The following LHFPL3 variants were observed in gnomAD, a reference collection of about 807,000 sequenced individuals.
LHFPL3 encodes LHFPL tetraspan subfamily member 3, also known as LHFPL tetraspan subfamily member 3 protein.
In LHFPL3, 5 loss-of-function variants were observed where a neutral mutation model predicts 19.3. The ratio of observed to expected loss-of-function variants is 0.26; its 90% CI spans 0.14 to 0.54. The LOEUF (loss-of-function observed/expected upper bound fraction) is 0.54. LHFPL3 is among the 20% of genes least tolerant of loss of function. The probability of loss-of-function intolerance (pLI) is 0.94; values close to 1 mark genes in which losing one functional copy is unlikely to be tolerated. For missense variants in LHFPL3, 249 were observed against 307.4 expected, an observed-to-expected ratio of 0.81 and a Z score of 1.42; for synonymous variants, 133 against 126.2, an observed-to-expected ratio of 1.05 and a Z score of -0.36.
intron 1 of LHFPL3, among the ~76,000 whole-genome samples, chr7:104,705,878 G>A (rs1445702013): frequency 6.6e-6 from 1 of 152,110 alleles, no homozygotes; most frequent in Non-Finnish European, 1.5e-5. Flanking sequence ...CCTCACAGAA[G>A]CATAGGCAGC....
chr7:104,520,849 T>G (rs1380673353), intron 1 of LHFPL3, among the ~76,000 whole-genome samples: 1 of 149,400 alleles, frequency 6.7e-6, no homozygotes, highest in Admixed American at 6.7e-5. Flanking sequence ...TTTTTCTTTA[T>G]TAGTCTTGCT....
intron 2 of LHFPL3, among the ~76,000 whole-genome samples, chr7:104,860,180 A>ACC (rs1263233124): frequency 0.022 from 1,457 of 65,250 alleles, 17 homozygotes; most frequent in African/African-American, 0.067. Context: ...ACACCCACCC[A>ACC]CACACACACA....
At chr7:104,539,334 C>G (rs1794443651) in intron 1 of LHFPL3, among the ~76,000 whole-genome samples, 2 of 152,134 alleles carry the variant, frequency 1.3e-5, no homozygotes, top group Non-Finnish European at 2.9e-5. Flanking sequence ...TCCTTTTCTA[C>G]AAAGGTGAGA....
chr7:104,586,511 A>T (rs1484236746), intron 1 of LHFPL3, among the ~76,000 whole-genome samples: 1 of 152,184 alleles, frequency 6.6e-6, no homozygotes, highest in African/African-American at 2.4e-5. Context: ...ACAACATAGG[A>T]AGCTGAGATA....
chr7:104,741,736 G>A (rs759213134), intron 2 of LHFPL3, among the ~76,000 whole-genome samples: 2 of 151,864 alleles, frequency 1.3e-5, no homozygotes, highest in Non-Finnish European at 2.9e-5. Flanking sequence ...GTTGTTTTTT[G>A]TAGAGACAGG....
intron 1 of LHFPL3, among the ~76,000 whole-genome samples, chr7:104,719,282 T>C (rs1261169371): frequency 6.6e-6 from 1 of 152,150 alleles, no homozygotes. Context: ...CACATACACA[T>C]GTATATATAT....
At chr7:104,690,111 C>A (rs986800334) in intron 1 of LHFPL3, among the ~76,000 whole-genome samples, 3 of 152,408 alleles carry the variant, frequency 2.0e-5, no homozygotes, top group Admixed American at 6.5e-5. Flanking sequence ...TGATTCCCAA[C>A]ACATCCCCAT....
At chr7:104,887,592 T>C (rs892643250) in intron 2 of LHFPL3, among the ~76,000 whole-genome samples, 1 of 152,196 alleles carries the variant, frequency 6.6e-6, no homozygotes, top group African/African-American at 2.4e-5. Flanking sequence ...GAGAGGACCC[T>C]GCTGGTCAGA....
In LHFPL3 at chr7:104,449,565, G is replaced by A. The variant is rs564217142; in HGVS notation, c.445+120341G>A. Among the ~76,000 whole-genome samples the A allele has an allele frequency of 2.0e-5, 3 of 152,282 alleles. No homozygotes were observed. In the South Asian group the frequency reaches 6.2e-4, roughly 32 times the overall value. On this transcript the variant is annotated intron_variant, in intron 1 of 2. Coordinates refer to ENST00000424859, the MANE Select transcript of LHFPL3 (RefSeq NM_199000.3). ...CATTTAGTAACTCTGGGAGGACAGG[G>A]CAGAGAGTAAAATCTCAATTTATCC... is the stretch of plus-strand genomic sequence containing the variant.
chr7:104,545,023 C>T (rs1358533122), intron 1 of LHFPL3, among the ~76,000 whole-genome samples: 1 of 152,148 alleles, frequency 6.6e-6, no homozygotes, highest in Non-Finnish European at 1.5e-5. Context: ...TTGCACATCT[C>T]GTCTTGAATT....
At chr7:104,634,104 T>G (rs1252373164) in intron 1 of LHFPL3, among the ~76,000 whole-genome samples, 1 of 152,268 alleles carries the variant, frequency 6.6e-6, no homozygotes, top group Non-Finnish European at 1.5e-5. Context: ...CACTGATGTC[T>G]TCTTCATTTT....
At chr7:104,645,566 A>T (rs1225053879) in intron 1 of LHFPL3, among the ~76,000 whole-genome samples, 3 of 152,004 alleles carry the variant, frequency 2.0e-5, no homozygotes, top group Non-Finnish European at 4.4e-5. Flanking sequence ...AATCATGTAT[A>T]AATGCAGCAA....
At chr7:104,589,625 A>C (rs141742406) in intron 1 of LHFPL3, among the ~76,000 whole-genome samples, 100 of 152,268 alleles carry the variant, frequency 6.6e-4, no homozygotes, top group East Asian at 2.9e-3. Flanking sequence ...TGTTGGCCTC[A>C]TAAAATGAGT....
chr7:104,393,989 G>A (rs1343995660), intron 1 of LHFPL3, among the ~76,000 whole-genome samples: 2 of 152,182 alleles, frequency 1.3e-5, no homozygotes, highest in Non-Finnish European at 2.9e-5. Context: ...GATTTCTTGG[G>A]AGGCTGATGA....
At chr7:104,551,942 T>C (rs915518155) in intron 1 of LHFPL3, among the ~76,000 whole-genome samples, 1 of 152,138 alleles carries the variant, frequency 6.6e-6, no homozygotes, top group Admixed American at 6.6e-5. Context: ...TCCTCTTCTC[T>C]CTAAAACTTT....
intron 1 of LHFPL3, among the ~76,000 whole-genome samples, chr7:104,588,885 A>C (rs1790642737): frequency 7.0e-6 from 1 of 143,324 alleles, no homozygotes; most frequent in Non-Finnish European, 1.5e-5. Context: ...AGCAATTGTG[A>C]ATGGGAATTC....
At chr7:104,379,842 C>A (rs1005683338) in intron 1 of LHFPL3, among the ~76,000 whole-genome samples, 8 of 152,196 alleles carry the variant, frequency 5.3e-5, no homozygotes, top group Non-Finnish European at 1.2e-4. Flanking sequence ...CCCTCAGTCC[C>A]AGCGCTATGC....
chr7:104,691,081 C>T (rs1405308080), intron 1 of LHFPL3, among the ~76,000 whole-genome samples: 1 of 152,176 alleles, frequency 6.6e-6, no homozygotes, highest in Non-Finnish European at 1.5e-5. Flanking sequence ...TGTTACTTGG[C>T]TTTGATAGAA....
At chr7:104,471,326 G>A (rs533344919) in intron 1 of LHFPL3, among the ~76,000 whole-genome samples, 4 of 152,196 alleles carry the variant, frequency 2.6e-5, no homozygotes, top group Non-Finnish European at 5.9e-5. Context: ...ACAATAGTCA[G>A]TTGTGGGATG....
Sources: gnomAD v4.1 joint callset for allele counts (sites outside exome capture counted in the v4.1 genomes callset) on GRCh38, gnomAD v4.1.1 for gene constraint, MANE v1.5 for transcripts, NCBI Gene and HGNC (gene_info 2026-07-23, HGNC 2026-07-21) for gene names.